GFRA1: variants seen among roughly 807,000 people sequenced by gnomAD.
GFRA1 encodes the protein GDNF family receptor alpha-1.
In GFRA1, 16 loss-of-function variants were observed where a neutral mutation model predicts 51.6. The ratio of observed to expected loss-of-function variants is 0.31; its 90% confidence interval spans 0.21 to 0.47. The LOEUF (loss-of-function observed/expected upper bound fraction) is 0.47. GFRA1 is among the 20% of genes least tolerant of loss of function. GFRA1 has a pLI of 1.00. For synonymous variants in GFRA1, 270 were observed against 241.3 expected (o/e 1.12, Z -1.10); for missense variants, 530 against 594.3 (o/e 0.89, Z 1.13).
At chr10:116,214,343 A>T (rs915257717) in intron 4 of GFRA1, among the ~76,000 whole-genome samples, 1 of 152,216 alleles carries the variant, frequency 6.6e-6, no homozygotes, top group Non-Finnish European at 1.5e-5. Context: ...TCCTGAGGAC[A>T]AGAGCAGTGT....
chr10:116,068,937 T>G (rs931268960), intron 9 of GFRA1, among the ~76,000 whole-genome samples: 2 of 152,114 alleles, frequency 1.3e-5, no homozygotes, highest in African/African-American at 4.8e-5. Context: ...AACCCCAAAC[T>G]CCTGAGACTT....
At chr10:116,086,765 T>C (rs1388734337) in intron 9 of GFRA1, among the ~76,000 whole-genome samples, 1 of 152,192 alleles carries the variant, frequency 6.6e-6, no homozygotes, top group Non-Finnish European at 1.5e-5. Context: ...CATGTCCCCC[T>C]CTGCCAAGGA....
chr10:116,182,136 G>C (rs1458138918), intron 5 of GFRA1, among the ~76,000 whole-genome samples: 1 of 152,070 alleles, frequency 6.6e-6, no homozygotes, highest in Admixed American at 6.6e-5. Flanking sequence ...GGAGGGCAAA[G>C]GTTGGGAGGG....
intron 4 of GFRA1, 120 bp from the exon 5 acceptor site, chr10:116,211,765 C>T: frequency 1.3e-6 from 1 of 791,624 alleles, no homozygotes; most frequent in Non-Finnish European, 2.1e-6. Context: ...GCTAAGCACT[C>T]TATGCATATT....
rs188068271 is a variant in GFRA1 at position 116,100,340 on chromosome 10, C to A, written c.771-3576G>T. Among the ~76,000 whole-genome samples the A allele has an allele frequency of 1.9e-4, 29 of 152,270 alleles. No homozygotes were observed. In the East Asian group the frequency reaches 5.2e-3, roughly 27 times the overall value. ...AAGCCCATTTTACAGATGAGGAAAC[C>A]GAGGCACGGAGCCTTTAAGCAACTC... On this transcript the variant is annotated intron_variant, in intron 6 of 10. Coordinates refer to ENST00000355422, the MANE Select transcript of GFRA1 (RefSeq NM_005264.8).
intron 4 of GFRA1, among the ~76,000 whole-genome samples, chr10:116,240,630 C>T (rs543287290): frequency 6.6e-6 from 1 of 152,316 alleles, no homozygotes; most frequent in South Asian, 2.1e-4. Context: ...GTCTTAAGAA[C>T]TGCGGCATGA....
chr10:116,094,937 A>T (rs1254131551), intron 7 of GFRA1, among the ~76,000 whole-genome samples: 1 of 152,196 alleles, frequency 6.6e-6, no homozygotes, highest in East Asian at 1.9e-4. Context: ...CATACATGGA[A>T]GAAGTAGGAA....
At chr10:116,232,384 A>G (rs981852571) in intron 4 of GFRA1, among the ~76,000 whole-genome samples, 5 of 152,076 alleles carry the variant, frequency 3.3e-5, no homozygotes, top group Admixed American at 1.3e-4. Context: ...AATATACACC[A>G]TTTGAATGAA....
chr10:116,095,155 C>T (rs1956519517), intron 7 of GFRA1, among the ~76,000 whole-genome samples: 1 of 152,202 alleles, frequency 6.6e-6, no homozygotes, highest in African/African-American at 2.4e-5. Context: ...GGTTAAGGAG[C>T]AGGTACACCT....
At chr10:116,141,095 G>C (rs966007330) in intron 5 of GFRA1, among the ~76,000 whole-genome samples, 6 of 152,212 alleles carry the variant, frequency 3.9e-5, no homozygotes, top group African/African-American at 1.2e-4. Context: ...AAGCTAACAT[G>C]TCTAAAACAG....
chr10:116,120,606 A>C (rs1957602702), intron 6 of GFRA1, among the ~76,000 whole-genome samples: 1 of 152,174 alleles, frequency 6.6e-6, no homozygotes, highest in African/African-American at 2.4e-5. Flanking sequence ...AATTAAATAA[A>C]AGAAAAAAGA....
chr10:116,236,697 G>A (rs1041362848), intron 4 of GFRA1, among the ~76,000 whole-genome samples: 15 of 152,156 alleles, frequency 9.9e-5, no homozygotes, highest in African/African-American at 3.6e-4. Context: ...TGAAGAAGGA[G>A]AATGGAAATT....
chr10:116,217,510 G>T lies in GFRA1; in HGVS notation c.419-5865C>A, dbSNP rs1309180380. Among the ~76,000 whole-genome samples the T allele has an allele frequency of 2.6e-5, 4 of 152,264 alleles. No individual in the cohort carries two copies. In the South Asian group the frequency reaches 8.3e-4, roughly 31 times the overall value. On this transcript the variant is annotated intron_variant, in intron 4 of 10. Coordinates refer to ENST00000355422, the MANE Select transcript of GFRA1 (RefSeq NM_005264.8). ...GTCTTCATTTCCTCACTTGTAAAATGAGGATAATAAAATTTATCTTGCAGA... is the reference window on the plus strand; with the variant it reads ...GTCTTCATTTCCTCACTTGTAAAATTAGGATAATAAAATTTATCTTGCAGA...
At position 116,169,561 on chromosome 10, in the gene GFRA1, A is replaced by G. The variant is rs528719589; in HGVS notation, c.433+42070T>C. On this transcript the variant is annotated intron_variant, in intron 5 of 10. Transcript: ENST00000355422. ...AAAGGAGAGAAGAGAAGAAGTGTCC[A>G]AACATCAAGAGGAGAAGAGGCAGCT... Among the ~76,000 whole-genome samples the G allele has an allele frequency of 8.5e-5, 13 of 152,346 alleles. No homozygotes were observed. The East Asian group carries it at 2.5e-3, about 30-fold the overall frequency.
intron 4 of GFRA1, among the ~76,000 whole-genome samples, chr10:116,234,616 G>A (rs147654857): frequency 7.2e-5 from 11 of 152,070 alleles, no homozygotes; most frequent in Admixed American, 2.0e-4. Context: ...TAGTATATGC[G>A]AACATTCTAT....
chr10:116,081,028 G>C (rs556771117), intron 9 of GFRA1, among the ~76,000 whole-genome samples: 10 of 152,158 alleles, frequency 6.6e-5, no homozygotes, highest in Non-Finnish European at 1.2e-4. Flanking sequence ...CTTGCCCTAG[G>C]CATCTCTTTG....
chr10:116,271,216 G>A lies in GFRA1; in HGVS notation c.41-101C>T. ...CGCCCGGGTCAGGGATGCTTGACCAGCCTTCGGGGGCGCCCTGCTCTGGGA... is the reference window on the plus strand; with the variant it reads ...CGCCCGGGTCAGGGATGCTTGACCAACCTTCGGGGGCGCCCTGCTCTGGGA... On this transcript the variant is annotated intron_variant, in intron 2 of 10. Coordinates refer to ENST00000355422, the MANE Select transcript of GFRA1 (RefSeq NM_005264.8). The A allele has an allele frequency of 3.3e-6, 3 of 918,824 alleles. 1 individual carries two copies. The highest frequency in any genetic ancestry group is 4.9e-6 in the Non-Finnish European group (3 of 618,496). The allele number at this position is 918,824 out of a possible 1,614,324, so 56.9% of individuals were successfully genotyped here. A position where few individuals can be genotyped will look rare whatever the true frequency, so the allele number is the denominator to read the frequency against.
intron 5 of GFRA1, among the ~76,000 whole-genome samples, chr10:116,177,307 C>T (rs1214479776): frequency 2.0e-5 from 3 of 152,104 alleles, no homozygotes; most frequent in Non-Finnish European, 4.4e-5. Context: ...GAAAATGGCC[C>T]ATTAGGAGGC....
At chr10:116,262,708 C>T (rs747712319) in intron 4 of GFRA1, among the ~76,000 whole-genome samples, 1 of 152,076 alleles carries the variant, frequency 6.6e-6, no homozygotes, top group African/African-American at 2.4e-5. Context: ...AGGGGCAGGA[C>T]AGGGAGAGAA....
Sources: allele counts gnomAD v4.1 joint callset (sites outside exome capture counted in the v4.1 genomes callset), GRCh38; gene constraint gnomAD v4.1.1; transcripts MANE v1.5; gene names NCBI Gene and HGNC (gene_info 2026-07-23, HGNC 2026-07-21).